CDH13: variants seen among roughly 807,000 people sequenced by gnomAD.
The protein encoded by CDH13 is cadherin-13.
In CDH13, 24 loss-of-function variants were observed where a neutral mutation model predicts 63.8. That is an observed-to-expected ratio of 0.38 (90% CI 0.27 to 0.53). CDH13 has a LOEUF of 0.53. Among genes scored for constraint, CDH13 ranks in the 20% least tolerant of loss-of-function variants. The pLI, the probability that CDH13 is intolerant of heterozygous loss-of-function variation, is 0.85. For synonymous variants in CDH13, 503 were observed against 355.3 expected (o/e 1.42, Z -4.67); for missense variants, 1,049 against 903.1 (o/e 1.16, Z -2.07).
chr16:83,335,916 G>A (rs150054638), intron 5 of CDH13, among the ~76,000 whole-genome samples: 28 of 152,142 alleles, frequency 1.8e-4, no homozygotes, highest in Admixed American at 1.6e-3. Context: ...CGATGCCCCC[G>A]GCTGAATAAA....
chr16:83,756,510 C>G (rs113541810), intron 11 of CDH13, among the ~76,000 whole-genome samples: 8 of 152,324 alleles, frequency 5.3e-5, no homozygotes, highest in African/African-American at 1.4e-4. Flanking sequence ...TGCGGCCCAA[C>G]ACAAATTTTT....
At chr16:83,039,182 G>A (rs1238608585) in intron 3 of CDH13, among the ~76,000 whole-genome samples, 1 of 152,180 alleles carries the variant, frequency 6.6e-6, no homozygotes, top group African/African-American at 2.4e-5. Flanking sequence ...CTCCCAGTCT[G>A]GAGTTATTCC....
At chr16:83,601,001 G>T (rs1310496820) in intron 7 of CDH13, among the ~76,000 whole-genome samples, 2 of 151,994 alleles carry the variant, frequency 1.3e-5, no homozygotes, top group Non-Finnish European at 2.9e-5. Context: ...AATGCTTCCA[G>T]GTCCACACCA....
At chr16:83,177,327 C>T (rs866152830) in intron 4 of CDH13, among the ~76,000 whole-genome samples, 1 of 152,176 alleles carries the variant, frequency 6.6e-6, no homozygotes, top group African/African-American at 2.4e-5. Context: ...AAGGTAGGGA[C>T]TAATCACCAA....
rs571750016 is a variant in CDH13 at position 83,719,300 on chromosome 16, C to T, written c.1539-28808C>T. On this transcript the variant is annotated intron_variant, in intron 10 of 13. Transcript: ENST00000567109. The stretch of plus-strand genomic sequence containing the variant: ...TTGAGGGACCACTGCGTACCAGACC[C>T]TATGTGGGATCTGTGAAGTCTATTA... Among the ~76,000 whole-genome samples the T allele has an allele frequency of 1.1e-3, 169 of 152,318 alleles. 1 individual carries two copies. Among genetic ancestry groups the T allele is most frequent in the Non-Finnish European group, 2.2e-4 (15 of 68,036 alleles).
chr16:82,724,777 G>A (rs1377715357), intron 1 of CDH13, among the ~76,000 whole-genome samples: 2 of 152,128 alleles, frequency 1.3e-5, no homozygotes, highest in East Asian at 1.9e-4. Context: ...CCAAGGTGAT[G>A]GCCAAACCTA....
intron 1 of CDH13, among the ~76,000 whole-genome samples, chr16:82,846,955 G>C (rs757101976): frequency 2.6e-5 from 4 of 152,064 alleles, no homozygotes; most frequent in Non-Finnish European, 5.9e-5. Flanking sequence ...CCAAGGAGAG[G>C]AGCACTTAGG....
intron 5 of CDH13, among the ~76,000 whole-genome samples, chr16:83,242,932 T>C (rs1452345037): frequency 6.6e-6 from 1 of 152,214 alleles, no homozygotes; most frequent in Non-Finnish European, 1.5e-5. Context: ...GCATATACCA[T>C]GTGTCAAAAA....
intron 8 of CDH13, among the ~76,000 whole-genome samples, chr16:83,607,840 C>G (rs951174600): frequency 6.6e-6 from 1 of 152,104 alleles, no homozygotes; most frequent in African/African-American, 2.4e-5. Context: ...TCTTCAAATA[C>G]AGACTTTGAA....
intron 1 of CDH13, among the ~76,000 whole-genome samples, chr16:82,745,558 C>A (rs563565753): frequency 6.6e-6 from 1 of 152,086 alleles, no homozygotes; most frequent in Non-Finnish European, 1.5e-5. Flanking sequence ...GAGCCAAGAT[C>A]ACGCCACTGA....
intron 1 of CDH13, among the ~76,000 whole-genome samples, chr16:82,787,841 A>AATGTGTGTGTGTGTGTGTGT (rs1555516774): frequency 6.8e-6 from 1 of 146,654 alleles, no homozygotes; most frequent in African/African-American, 2.5e-5. Flanking sequence ...GAAGGGAGGA[A>AATGTGTGTGTGTGTGTGTGT]GTGTGTGTGT....
intron 7 of CDH13, among the ~76,000 whole-genome samples, chr16:83,496,517 G>T (rs2074147898): frequency 6.6e-6 from 1 of 151,908 alleles, no homozygotes; most frequent in African/African-American, 2.4e-5. Flanking sequence ...ATTCAAGATG[G>T]ATTAAAGACT....
chr16:83,176,983 G>C (rs151089593), intron 4 of CDH13, among the ~76,000 whole-genome samples: 41 of 152,270 alleles, frequency 2.7e-4, no homozygotes, highest in Admixed American at 7.8e-4. Flanking sequence ...CGGATGCCAT[G>C]ATGAGGCACT....
chr16:82,784,798 C>T (rs533815451), intron 1 of CDH13, among the ~76,000 whole-genome samples: 7 of 152,244 alleles, frequency 4.6e-5, no homozygotes, highest in African/African-American at 1.4e-4. Context: ...GGCAGATGCA[C>T]AGCAGGGTGG....
intron 7 of CDH13, among the ~76,000 whole-genome samples, chr16:83,568,191 GA>G (rs149791666): frequency 0.07 from 10,308 of 146,510 alleles, 403 homozygotes; most frequent in Non-Finnish European, 0.091. Flanking sequence ...AAAACAAAAG[GA>G]AAAAAAAAAG....
intron 3 of CDH13, among the ~76,000 whole-genome samples, chr16:83,043,215 ATTACT>A (rs1312824135): frequency 1.3e-5 from 2 of 152,208 alleles, no homozygotes; most frequent in Non-Finnish European, 2.9e-5. Context: ...TAGATAACAG[ATTACT>A]TTAAGGATCA....
At chr16:83,013,987 C>G (rs1002904098) in intron 2 of CDH13, among the ~76,000 whole-genome samples, 22 of 152,218 alleles carry the variant, frequency 1.4e-4, no homozygotes, top group Middle Eastern at 3.4e-3. Flanking sequence ...CAATAAAACA[C>G]ATATAACAGG....
At chr16:83,683,424 C>T (rs1393043135) in intron 10 of CDH13, among the ~76,000 whole-genome samples, 1 of 152,180 alleles carries the variant, frequency 6.6e-6, no homozygotes, top group Non-Finnish European at 1.5e-5. Context: ...GATCTGTCTC[C>T]CTCAATCACG....
At chr16:82,748,548 T>C (rs1161201402) in intron 1 of CDH13, among the ~76,000 whole-genome samples, 1 of 152,134 alleles carries the variant, frequency 6.6e-6, no homozygotes, top group African/African-American at 2.4e-5. Flanking sequence ...TGGTTTTGTG[T>C]TTTAATTTTT....
Sources: allele counts gnomAD v4.1 joint callset (sites outside exome capture counted in the v4.1 genomes callset), GRCh38; gene constraint gnomAD v4.1.1; transcripts MANE v1.5; gene names NCBI Gene and HGNC (gene_info 2026-07-23, HGNC 2026-07-21).